BMP7: variants seen among roughly 807,000 people sequenced by gnomAD.
The protein encoded by BMP7 is bone morphogenetic protein 7, also known as osteogenic protein 1.
A neutral mutation model predicts 41.2 loss-of-function variants in BMP7; 12 were observed. The observed-to-expected ratio is 0.29, with a 90% CI of 0.19 to 0.47. The LOEUF (loss-of-function observed/expected upper bound fraction) is 0.47. Among genes scored for constraint, BMP7 ranks in the 20% least tolerant of loss-of-function variants. The pLI is 0.99. For missense variants in BMP7, 467 were observed against 606.0 expected, an observed-to-expected ratio of 0.77 and a Z score of 2.41; for synonymous variants, 248 against 250.0, an observed-to-expected ratio of 0.99 and a Z score of 0.07.
At chr20:57,251,950 A>G (rs1455024141) in intron 1 of BMP7, among the ~76,000 whole-genome samples, 1 of 151,932 alleles carries the variant, frequency 6.6e-6, no homozygotes, top group Non-Finnish European at 1.5e-5. Context: ...ACAAAGCAAA[A>G]CAAAACAAAA....
intron 1 of BMP7, among the ~76,000 whole-genome samples, chr20:57,262,733 G>A (rs746013396): frequency 2.0e-5 from 3 of 150,080 alleles, no homozygotes; most frequent in Non-Finnish European, 3.0e-5. Context: ...TGCCCCCCCC[G>A]CCAAACTCCC....
chr20:57,220,091 C>T (rs1985154311), intron 2 of BMP7, among the ~76,000 whole-genome samples: 1 of 152,194 alleles, frequency 6.6e-6, no homozygotes, highest in South Asian at 2.1e-4. Flanking sequence ...CAGGTGTCAG[C>T]TTTCCTTCCT....
rs373779288 is a variant in BMP7, at chr20:57,237,472, CCA to C, written c.419-9053_419-9052del. 2.0e-5 allele frequency among the ~76,000 whole-genome samples: 3 copies of C among 152,302 alleles called. No individual in the cohort carries two copies. The East Asian group carries it at 5.8e-4, about 29-fold the overall frequency. ...CTGCTGTTAGGAGGCAGTTTACGAC[CCA>C]CAGTTTCAGGGATGTGAAATTTGAT... On this transcript the variant is annotated intron_variant, in intron 1 of 6. Transcript: ENST00000395863.
rs1280905790 is a variant in BMP7, at chr20:57,266,212, C to G, written c.-90G>C. On this transcript the variant is annotated 5_prime_UTR_variant, in exon 1 of 7. Transcript: ENST00000395863. ...GGGGCAGGCGGCCGTCCGCGCCGCTCGGTCACTTGCTGCAGACGGGCCCCG... is the reference window on the plus strand; with the variant it reads ...GGGGCAGGCGGCCGTCCGCGCCGCTGGGTCACTTGCTGCAGACGGGCCCCG... 4 of 1,309,270 alleles carry G rather than the reference C, an allele frequency of 3.1e-6. No individual in the cohort carries two copies. The highest frequency in any genetic ancestry group is 1.6e-5 in the African/African-American group (1 of 63,608). The allele number at this position is 1,309,270 out of a possible 1,614,324, so 81.1% of individuals were successfully genotyped here. A position where few individuals can be genotyped will look rare whatever the true frequency, so the allele number is the denominator to read the frequency against.
chr20:57,237,000 G>A (rs140357908), intron 1 of BMP7, among the ~76,000 whole-genome samples: 112 of 152,220 alleles, frequency 7.4e-4, no homozygotes, highest in Middle Eastern at 3.4e-3. Flanking sequence ...CAGACTATGC[G>A]GCCCTCTCAC....
At chr20:57,177,089 A>G (rs953340992) in intron 4 of BMP7, among the ~76,000 whole-genome samples, 14 of 152,204 alleles carry the variant, frequency 9.2e-5, no homozygotes, top group Non-Finnish European at 1.5e-4. Flanking sequence ...CAGACTGGAC[A>G]TTCTGTTGGT....
intron 1 of BMP7, among the ~76,000 whole-genome samples, chr20:57,252,673 C>T (rs2123144064): frequency 6.6e-6 from 1 of 152,288 alleles, no homozygotes; most frequent in Non-Finnish European, 1.5e-5. Context: ...AGCTGTGTTC[C>T]CAGGAGAAGC....
At chr20:57,234,292 C>T (rs770869913) in intron 1 of BMP7, among the ~76,000 whole-genome samples, 5 of 152,226 alleles carry the variant, frequency 3.3e-5, no homozygotes, top group African/African-American at 4.8e-5. Flanking sequence ...CCCCTGTTCG[C>T]TCTCCCCGCC....
chr20:57,241,806 C>T (rs1935364069), intron 1 of BMP7, among the ~76,000 whole-genome samples: 1 of 152,202 alleles, frequency 6.6e-6, no homozygotes, highest in African/African-American at 2.4e-5. Flanking sequence ...TCAATGTCAA[C>T]ATGTGTGCAG....
chr20:57,236,477 G>C (rs908250528), intron 1 of BMP7, among the ~76,000 whole-genome samples: 5 of 152,182 alleles, frequency 3.3e-5, no homozygotes, highest in Non-Finnish European at 1.5e-5. Context: ...TGTTGAATTG[G>C]GTTTATGGAT....
At chr20:57,256,713 TAAAAAATAAA>T (rs1025350283) in intron 1 of BMP7, among the ~76,000 whole-genome samples, 4 of 151,458 alleles carry the variant, frequency 2.6e-5, no homozygotes, top group Admixed American at 2.6e-4. Flanking sequence ...CTACTAAAAA[TAAAAAATAAA>T]AAAAAATAAC....
chr20:57,230,413 C>T (rs1248145472), intron 1 of BMP7, among the ~76,000 whole-genome samples: 1 of 152,070 alleles, frequency 6.6e-6, no homozygotes, highest in Non-Finnish European at 1.5e-5. Context: ...CTGCCCCCGG[C>T]CAGTCCTCTG....
chr20:57,228,853 G>A lies in BMP7; in HGVS notation c.419-432C>T, dbSNP rs752480000. On this transcript the variant is annotated intron_variant, in intron 1 of 6. Coordinates refer to ENST00000395863, the MANE Select transcript of BMP7 (RefSeq NM_001719.3). This position sits in a 1 kb window ranked among gnomAD's most constrained non-coding sequence, Gnocchi z 4.5. ...ATGGGGATTGTAATCCTCCTTCATGGGTTATGGTCAGGGTTGAATGATCTC... is the reference window on the plus strand; with the variant it reads ...ATGGGGATTGTAATCCTCCTTCATGAGTTATGGTCAGGGTTGAATGATCTC... 1.3e-5 allele frequency among the ~76,000 whole-genome samples: 2 copies of A among 152,172 alleles called. No individual in the cohort carries two copies. Among genetic ancestry groups the A allele is most frequent in the Non-Finnish European group, 2.9e-5 (2 of 68,042 alleles).
chr20:57,230,861 A>G (rs983948850), intron 1 of BMP7, among the ~76,000 whole-genome samples: 1 of 151,768 alleles, frequency 6.6e-6, no homozygotes, highest in Admixed American at 6.6e-5. Context: ...TATTTTTAGT[A>G]GAGATGGGAT....
intron 4 of BMP7, chr20:57,178,122 CAT>C (rs1010781443): frequency 6.6e-6 from 1 of 152,476 alleles, no homozygotes; most frequent in African/African-American, 2.4e-5. Flanking sequence ...GAGGAGGTGA[CAT>C]GTGGGTAAGA....
At chr20:57,184,124 T>A (rs1984156571) in intron 3 of BMP7, among the ~76,000 whole-genome samples, 1 of 152,136 alleles carries the variant, frequency 6.6e-6, no homozygotes, top group Non-Finnish European at 1.5e-5. Context: ...GAAAACATCC[T>A]GTTCTCTGGG....
At chr20:57,178,095 CCA>C (rs1368909583) in intron 4 of BMP7, 2 of 152,462 alleles carry the variant, frequency 1.3e-5, no homozygotes, top group Non-Finnish European at 2.9e-5. Context: ...GCCGCGGGTG[CCA>C]GCAGGCGCTC....
At chr20:57,226,330 A>T (rs1036144053) in intron 2 of BMP7, among the ~76,000 whole-genome samples, 6 of 152,236 alleles carry the variant, frequency 3.9e-5, no homozygotes, top group African/African-American at 1.4e-4. Flanking sequence ...CTGGGAGTAG[A>T]TGTCGATGTC....
At chr20:57,206,585 G>T (rs1984737612) in intron 2 of BMP7, among the ~76,000 whole-genome samples, 3 of 152,216 alleles carry the variant, frequency 2.0e-5, no homozygotes, top group Admixed American at 2.0e-4. Flanking sequence ...GTGGGGCAGA[G>T]AAAATACTAG....
Sources: allele counts gnomAD v4.1 joint callset (sites outside exome capture counted in the v4.1 genomes callset), GRCh38; gene constraint gnomAD v4.1.1; non-coding constraint Gnocchi (gnomAD v3.1); transcripts MANE v1.5; gene names NCBI Gene and HGNC (gene_info 2026-07-23, HGNC 2026-07-21).